INIP: variants seen among roughly 807,000 people sequenced by gnomAD.
INIP encodes the protein SOSS complex subunit C.
Under a neutral mutation model 14.0 loss-of-function variants are expected in INIP, and 9 were observed. That is an observed-to-expected ratio of 0.64 (90% CI 0.39 to 1.12). The LOEUF is 1.12. Among genes scored for constraint, INIP ranks in the 50% most tolerant of loss-of-function variants. The pLI is 0.01. For missense variants in INIP, 78 were observed against 122.7 expected (o/e 0.64, Z 1.72); for synonymous variants, 37 against 41.5 (o/e 0.89, Z 0.41).
rs2131309218 is a variant in INIP, at chr9:112,707,965, T to C, written c.25+8496A>G. Among the ~76,000 whole-genome samples, 2 of 152,352 alleles carry C rather than the reference T, an allele frequency of 1.3e-5. 1 individual carries two copies. Among genetic ancestry groups the C allele is most frequent in the South Asian group, 4.1e-4 (2 of 4,828 alleles). ...AAGCCCTCTTTCAGATCTAGCAGTCTTTCATGCTATCACATACAGGCACAA... is the reference window on the plus strand; with the variant it reads ...AAGCCCTCTTTCAGATCTAGCAGTCCTTCATGCTATCACATACAGGCACAA... On this transcript the variant is annotated intron_variant, in intron 2 of 4. Transcript: ENST00000374242.
At chr9:112,703,794 C>A (rs1272399366) in intron 2 of INIP, among the ~76,000 whole-genome samples, 2 of 151,902 alleles carry the variant, frequency 1.3e-5, no homozygotes, top group African/African-American at 4.8e-5. Flanking sequence ...GACAAAGAAG[C>A]CAGTTTGAGG....
chr9:112,692,818 C>T (rs1837938785), intron 3 of INIP, among the ~76,000 whole-genome samples: 1 of 151,464 alleles, frequency 6.6e-6, no homozygotes, highest in South Asian at 2.1e-4. Flanking sequence ...GCAGGAGGAT[C>T]ACTTGAGGCC....
At chr9:112,710,418 A>C (rs1838611008) in intron 2 of INIP, among the ~76,000 whole-genome samples, 1 of 152,232 alleles carries the variant, frequency 6.6e-6, no homozygotes, top group African/African-American at 2.4e-5. Flanking sequence ...CAATGCCATC[A>C]CATCATCATA....
At chr9:112,716,062 GTTC>G (rs1182236856) in intron 2 of INIP, among the ~76,000 whole-genome samples, 1 of 152,056 alleles carries the variant, frequency 6.6e-6, no homozygotes, top group Non-Finnish European at 1.5e-5. Flanking sequence ...TTACTTTGAT[GTTC>G]TTCTTTTTTT....
At chr9:112,693,577 C>T (rs1837968827) in intron 3 of INIP, among the ~76,000 whole-genome samples, 1 of 152,196 alleles carries the variant, frequency 6.6e-6, no homozygotes, top group Admixed American at 6.5e-5. Flanking sequence ...GTGCTGCATG[C>T]ACTCATAAAT....
At position 112,684,127 on chromosome 9, in the gene INIP, T is replaced by C. The variant is rs1335265329; in HGVS notation, c.*3411A>G. The C allele has an allele frequency of 6.6e-6, 1 of 152,160 alleles. No homozygotes were observed. The highest frequency in any genetic ancestry group is 1.5e-5 in the Non-Finnish European group (1 of 68,022). The allele number at this position is 152,160 out of a possible 1,614,324, so 9.4% of individuals were successfully genotyped here. Reference sequence around the variant, plus strand: ...CCTACTATATGCCAAATATATTTTATGTGGAATACAGTAGTGAACGAAGTA... The same window carrying C: ...CCTACTATATGCCAAATATATTTTACGTGGAATACAGTAGTGAACGAAGTA... On this transcript the variant is annotated 3_prime_UTR_variant, in exon 5 of 5. Coordinates refer to ENST00000374242, the MANE Select transcript of INIP (RefSeq NM_021218.3).
intron 2 of INIP, among the ~76,000 whole-genome samples, chr9:112,698,917 T>G (rs1053995426): frequency 8.5e-5 from 13 of 152,222 alleles, no homozygotes; most frequent in African/African-American, 3.1e-4. Context: ...TCAATAATGT[T>G]TGAATTCCAG....
chr9:112,697,085 G>C (rs1443986739), intron 2 of INIP, among the ~76,000 whole-genome samples: 2 of 152,194 alleles, frequency 1.3e-5, no homozygotes, highest in African/African-American at 4.8e-5. Flanking sequence ...TCAAATTATA[G>C]GGTTGGTTTC....
chr9:112,688,948 TG>T (rs201139106), intron 4 of INIP, among the ~76,000 whole-genome samples: 1 of 149,548 alleles, frequency 6.7e-6, no homozygotes, highest in African/African-American at 2.5e-5. Flanking sequence ...ATTATGCCTA[TG>T]GGAAAAAAAT....
At chr9:112,713,156 C>T (rs1392899308) in intron 2 of INIP, among the ~76,000 whole-genome samples, 1 of 152,148 alleles carries the variant, frequency 6.6e-6, no homozygotes, top group Non-Finnish European at 1.5e-5. Flanking sequence ...AAGATTTGAA[C>T]AAATACTTCA....
At chr9:112,690,257 G>A (rs1049657848) in intron 3 of INIP, among the ~76,000 whole-genome samples, 1 of 152,110 alleles carries the variant, frequency 6.6e-6, no homozygotes, top group Admixed American at 6.6e-5. Context: ...TTGGGAGTCC[G>A]AGGCAGGAGG....
At chr9:112,714,402 T>C (rs1347466122) in intron 2 of INIP, among the ~76,000 whole-genome samples, 1 of 152,230 alleles carries the variant, frequency 6.6e-6, no homozygotes, top group East Asian at 1.9e-4. Context: ...GGTTAACTAC[T>C]TGCCAAGTGA....
intron 2 of INIP, among the ~76,000 whole-genome samples, chr9:112,700,525 A>T (rs1161221227): frequency 7.3e-6 from 1 of 137,000 alleles, no homozygotes; most frequent in Non-Finnish European, 1.5e-5. Context: ...GGTATATATA[A>T]TATATATATA....
rs114485629 is a variant in INIP, at chr9:112,693,706, G to A, written c.128+425C>T. ...AAGAAAACACAATGAATAGATTGCAGTGTTAAAGAAAAAAATCATTGCCAG... is the reference window on the plus strand; with the variant it reads ...AAGAAAACACAATGAATAGATTGCAATGTTAAAGAAAAAAATCATTGCCAG... On this transcript the variant is annotated intron_variant, in intron 3 of 4. Coordinates refer to ENST00000374242, the MANE Select transcript of INIP (RefSeq NM_021218.3). 2.1e-3 allele frequency among the ~76,000 whole-genome samples: 325 copies of A among 152,286 alleles called. 3 individuals carry two copies. The highest frequency in any genetic ancestry group is 7.5e-3 in the African/African-American group (312 of 41,566).
At chr9:112,689,829 T>A (rs1837817845) in intron 3 of INIP, among the ~76,000 whole-genome samples, 1 of 152,222 alleles carries the variant, frequency 6.6e-6, no homozygotes, top group South Asian at 2.1e-4. Flanking sequence ...CTCGCATACT[T>A]ACCATTTTTG....
At chr9:112,714,944 T>A (rs955785894) in intron 2 of INIP, among the ~76,000 whole-genome samples, 5 of 152,134 alleles carry the variant, frequency 3.3e-5, no homozygotes, top group Non-Finnish European at 7.3e-5. Flanking sequence ...GTACAGCATG[T>A]TACTGTACTG....
At chr9:112,687,709 T>C in intron 4 of INIP, 76 bp from the exon 5 acceptor site, 1 of 789,672 alleles carries the variant, frequency 1.3e-6, no homozygotes, top group Non-Finnish European at 2.0e-6. Flanking sequence ...GCATTAAAAT[T>C]ACTCTTTCTG....
intron 4 of INIP, among the ~76,000 whole-genome samples, chr9:112,689,064 T>C (rs1465318307): frequency 1.3e-5 from 2 of 152,086 alleles, no homozygotes; most frequent in African/African-American, 4.8e-5. Flanking sequence ...GCACCACATT[T>C]CTAGTCCTAT....
Position 112,702,597 on chromosome 9 carries a change from G to A in INIP, c.26-8364C>T, listed in dbSNP as rs182360300. Reference sequence around the variant, plus strand: ...ATTTATTTTTTTTAGACGGAGTCTCGCTCTGTCGCCAGGCTGGAGTGCAGT... The same window carrying A: ...ATTTATTTTTTTTAGACGGAGTCTCACTCTGTCGCCAGGCTGGAGTGCAGT... On this transcript the variant is annotated intron_variant, in intron 2 of 4. Transcript: ENST00000374242. Among the ~76,000 whole-genome samples the A allele has an allele frequency of 2.8e-3, 429 of 152,096 alleles. 3 individuals carry two copies. Among genetic ancestry groups the A allele is most frequent in the African/African-American group, 9.8e-3 (408 of 41,470 alleles).
Sources: allele counts gnomAD v4.1 joint callset (sites outside exome capture counted in the v4.1 genomes callset), GRCh38; gene constraint gnomAD v4.1.1; transcripts MANE v1.5; gene names NCBI Gene and HGNC (gene_info 2026-07-23, HGNC 2026-07-21).